The following TSPAN14 variants were observed in gnomAD, a reference collection of about 807,000 sequenced individuals.
The protein encoded by TSPAN14 is tetraspanin-14.
In TSPAN14, 16 loss-of-function variants were observed where a neutral mutation model predicts 36.6. The ratio of observed to expected loss-of-function variants is 0.44; its 90% confidence interval spans 0.30 to 0.66. The LOEUF is 0.66. Ranked by LOEUF, TSPAN14 falls within the 30% of genes least tolerant of loss-of-function variation. The probability of loss-of-function intolerance (pLI) is 0.12; values close to 1 mark genes in which losing one functional copy is unlikely to be tolerated. For synonymous variants in TSPAN14, 139 were observed against 143.8 expected, an observed-to-expected ratio of 0.97 and a Z score of 0.24; for missense variants, 231 against 355.1, an observed-to-expected ratio of 0.65 and a Z score of 2.81.
chr10:80,479,321 C>G (rs1454626329), intron 1 of TSPAN14, among the ~76,000 whole-genome samples: 3 of 151,144 alleles, frequency 2.0e-5, no homozygotes, highest in African/African-American at 7.3e-5. Flanking sequence ...TCAATTTTGG[C>G]TTTTGTTGCC....
intron 1 of TSPAN14, among the ~76,000 whole-genome samples, chr10:80,478,596 G>GA (rs1847059561): frequency 6.6e-6 from 1 of 152,188 alleles, no homozygotes; most frequent in Admixed American, 6.5e-5. Context: ...GTTACACAGA[G>GA]AAAGAAACAG....
intron 1 of TSPAN14, among the ~76,000 whole-genome samples, chr10:80,477,367 C>T (rs1416563389): frequency 1.3e-5 from 2 of 152,114 alleles, no homozygotes; most frequent in East Asian, 3.9e-4. Flanking sequence ...TTGAAATGTT[C>T]CTAGAGGTCT....
At chr10:80,484,842 C>G (rs144442111) in intron 1 of TSPAN14, among the ~76,000 whole-genome samples, 2 of 152,178 alleles carry the variant, frequency 1.3e-5, no homozygotes, top group East Asian at 3.9e-4. Context: ...GACTTGAAAA[C>G]CCTGTTCTCT....
intron 1 of TSPAN14, among the ~76,000 whole-genome samples, chr10:80,471,429 CA>C (rs1225349126): frequency 6.6e-6 from 1 of 152,152 alleles, no homozygotes; most frequent in Non-Finnish European, 1.5e-5. Context: ...TTCTTGTTCA[CA>C]TTGGGAATAC....
rs541581126 is a variant in TSPAN14, at chr10:80,504,665, A to T, written c.82-63A>T. ...CTGGCAGTGTGGACTTTGCTCTGTGAAGCATGTTCACAGTGCTGGTTTCCA... is the reference window on the plus strand; with the variant it reads ...CTGGCAGTGTGGACTTTGCTCTGTGTAGCATGTTCACAGTGCTGGTTTCCA... On this transcript the variant is annotated intron_variant, in intron 2 of 8. Transcript: ENST00000429989. The T allele has an allele frequency of 1.9e-6, 3 of 1,602,950 alleles. No homozygotes were observed. In the East Asian group the frequency reaches 6.7e-5, roughly 36 times the overall value.
At chr10:80,472,420 A>G (rs937708542) in intron 1 of TSPAN14, among the ~76,000 whole-genome samples, 30 of 152,282 alleles carry the variant, frequency 2.0e-4, no homozygotes, top group African/African-American at 7.2e-4. Flanking sequence ...ATTGACAATG[A>G]TCGCTTGCTT....
intron 1 of TSPAN14, among the ~76,000 whole-genome samples, chr10:80,468,025 C>T (rs1589240212): frequency 1.3e-5 from 2 of 152,202 alleles, no homozygotes; most frequent in East Asian, 3.8e-4. Flanking sequence ...TATCCCCATT[C>T]CTCTTCTTTG....
intron 1 of TSPAN14, among the ~76,000 whole-genome samples, chr10:80,475,942 C>G (rs1484546180): frequency 6.6e-6 from 1 of 152,210 alleles, no homozygotes; most frequent in East Asian, 1.9e-4. Flanking sequence ...GGTTCCAGGA[C>G]ATACCCCCTC....
intron 3 of TSPAN14, 179 bp from the exon 4 acceptor site, chr10:80,507,049 C>T (rs12269333): frequency 0.2 from 136,980 of 687,124 alleles, 15,497 homozygotes; most frequent in South Asian, 0.31. Flanking sequence ...GGGCAGGGAT[C>T]GCCTGGTCGG....
intron 3 of TSPAN14, among the ~76,000 whole-genome samples, chr10:80,506,046 A>G (rs1056156161): frequency 3.3e-5 from 5 of 152,230 alleles, no homozygotes; most frequent in Admixed American, 2.6e-4. Context: ...ATCTTGGCTC[A>G]CTGCAACCTC....
intron 2 of TSPAN14, among the ~76,000 whole-genome samples, chr10:80,492,163 C>T (rs1847954652): frequency 6.6e-6 from 1 of 152,170 alleles, no homozygotes; most frequent in Non-Finnish European, 1.5e-5. Context: ...GTGGAATGCC[C>T]AAGCCCTTAC....
At chr10:80,490,782 A>G (rs1847884323) in intron 2 of TSPAN14, among the ~76,000 whole-genome samples, 1 of 152,202 alleles carries the variant, frequency 6.6e-6, no homozygotes, top group Non-Finnish European at 1.5e-5. Flanking sequence ...TCAAGGGATT[A>G]AGGGAGATAT....
chr10:80,520,414 C>A, exon 9 of TSPAN14: 1 of 412,412 alleles, frequency 2.4e-6, no homozygotes, highest in Non-Finnish European at 4.8e-6. Context: ...ATCGGCTGTC[C>A]GCACAGAGGC....
At chr10:80,478,053 G>A (rs1847024768) in intron 1 of TSPAN14, among the ~76,000 whole-genome samples, 1 of 151,968 alleles carries the variant, frequency 6.6e-6, no homozygotes, top group Non-Finnish European at 1.5e-5. Flanking sequence ...GGACTGCCAG[G>A]GATTACTAGA....
intron 1 of TSPAN14, among the ~76,000 whole-genome samples, chr10:80,480,520 G>A (rs574422198): frequency 1.1e-3 from 164 of 152,196 alleles, no homozygotes; most frequent in African/African-American, 3.8e-3. Context: ...GCAAAGACTC[G>A]GAACCAACCC....
intron 1 of TSPAN14, among the ~76,000 whole-genome samples, chr10:80,467,978 G>A (rs1248388827): frequency 6.6e-6 from 1 of 152,222 alleles, no homozygotes; most frequent in East Asian, 1.9e-4. Flanking sequence ...GCTCTTAAAT[G>A]TAAAAACAAA....
intron 1 of TSPAN14, among the ~76,000 whole-genome samples, chr10:80,456,985 C>T (rs530324809): frequency 5.3e-5 from 8 of 152,184 alleles, no homozygotes; most frequent in African/African-American, 1.9e-4. Flanking sequence ...TTGCTTCAAT[C>T]TGGGAGGTGG....
At chr10:80,521,104 T>G (rs1157417286) in exon 9 of TSPAN14, 2 of 305,424 alleles carry the variant, frequency 6.5e-6, no homozygotes, top group Non-Finnish European at 6.4e-6. Context: ...CTCTGGGAGA[T>G]TCCATGCAGA....
intron 5 of TSPAN14, 37 bp from the exon 6 acceptor site, chr10:80,512,107 T>C (rs1472548066): frequency 6.2e-7 from 1 of 1,613,808 alleles, no homozygotes; most frequent in Admixed American, 1.7e-5. Context: ...TGGCCCTGTC[T>C]TGGAGCCCCT....
Sources: allele counts gnomAD v4.1 joint callset (sites outside exome capture counted in the v4.1 genomes callset), GRCh38; gene constraint gnomAD v4.1.1; transcripts MANE v1.5; gene names NCBI Gene and HGNC (gene_info 2026-07-23, HGNC 2026-07-21).